The following NAT16 variants were observed in gnomAD, a reference collection of about 807,000 sequenced individuals.
NAT16 encodes N-acetyltransferase 16 (putative), also known as probable N-acetyltransferase 16.
A neutral mutation model predicts 15.9 loss-of-function variants in NAT16; 16 were observed. The ratio of observed to expected loss-of-function variants is 1.01; its 90% CI spans 0.68 to 1.53. The LOEUF (loss-of-function observed/expected upper bound fraction) is 1.53. NAT16 is among the 40% of genes most tolerant of loss of function. The pLI is 0.00. For missense variants in NAT16, 572 were observed against 508.4 expected (o/e 1.13, Z -1.20); for synonymous variants, 260 against 241.9 (o/e 1.07, Z -0.69).
At chr7:101,176,028 C>A (rs1797457571) in intron 1 of NAT16, among the ~76,000 whole-genome samples, 1 of 152,084 alleles carries the variant, frequency 6.6e-6, no homozygotes. Flanking sequence ...CCTCTGTCCA[C>A]AAGAAAGTTC....
chr7:101,178,806 G>A (rs1797524612), intron 1 of NAT16, among the ~76,000 whole-genome samples: 1 of 140,068 alleles, frequency 7.1e-6, no homozygotes, highest in South Asian at 2.3e-4. Context: ...CAGGAGAATC[G>A]CTTCAACCCG....
At position 101,170,957 on chromosome 7, in the gene NAT16, T is replaced by G. The variant is rs1311454583; in HGVS notation, c.*1122A>C. On this transcript the variant is annotated 3_prime_UTR_variant, in exon 4 of 4. Transcript: ENST00000300303. ...GGAACCAGTATTGGAGACAGCGCTGTGCAGATGCAGCTGTTACTACTTGCA... is the reference window on the plus strand; with the variant it reads ...GGAACCAGTATTGGAGACAGCGCTGGGCAGATGCAGCTGTTACTACTTGCA... 6.6e-6 allele frequency: 1 copy of G among 152,242 alleles called. No individual in the cohort carries two copies. Among genetic ancestry groups the G allele is most frequent in the Non-Finnish European group, 1.5e-5 (1 of 68,068 alleles). 9.4% of individuals were successfully genotyped at this position (152,242 alleles called of 1,614,324 possible). A position where few individuals can be genotyped will look rare whatever the true frequency, so the allele number is the denominator to read the frequency against.
rs952769691 is a variant in NAT16 at position 101,172,858 on chromosome 7, G to A, written c.538-207C>T. On this transcript the variant is annotated intron_variant, in intron 3 of 3. Transcript: ENST00000300303. The surrounding 1 kb of genome is among the most constrained non-coding windows in gnomAD (Gnocchi z 4.2). ...GTACCAGACAGGGACCAGGGGCACG[G>A]GCTCCCAGTACGTGGATCCCCAAGA... 1.3e-5 allele frequency among the ~76,000 whole-genome samples: 2 copies of A among 152,204 alleles called. No individual in the cohort carries two copies. The highest frequency in any genetic ancestry group is 4.1e-4 in the South Asian group (2 of 4,830).
chr7:101,172,917 T>C lies in NAT16; in HGVS notation c.538-266A>G, dbSNP rs1043945166. 5.9e-5 allele frequency among the ~76,000 whole-genome samples: 9 copies of C among 152,006 alleles called. No homozygotes were observed. The highest frequency in any genetic ancestry group is 2.2e-4 in the African/African-American group (9 of 41,402). On this transcript the variant is annotated intron_variant, in intron 3 of 3. Transcript: ENST00000300303. This position sits in a 1 kb window ranked among gnomAD's most constrained non-coding sequence, Gnocchi z 4.2. ...GATCAGTATGGAGTAGCCAGGGAAC[T>C]GAGGGTACGGGTCCCCGGGTCTCCA...
At position 101,172,416 on chromosome 7, in the gene NAT16, A is replaced by G. The variant is rs1037529011; in HGVS notation, c.773T>C (p.Leu258Pro). The change falls in exon 4 of 4, where the codon CTG becomes CCG. Residue 258 changes from leucine (L) to proline (P), a missense_variant. Leu to Pro is a moderately conservative substitution (Grantham distance 98). Coordinates refer to ENST00000300303, the MANE Select transcript of NAT16 (RefSeq NM_198571.3). The surrounding 1 kb of genome is among the most constrained non-coding windows in gnomAD (Gnocchi z 4.2). Reference protein sequence around the residue: ...PYRPSESNLRLLAAKGLEWRV... With the variant: ...PYRPSESNLRPLAAKGLEWRV... ...CCACTCCAGGCCCTTGGCCGCCAGC[A>G]GGCGCAGGTTGCTTTCGCTAGGCCG... 7.6e-6 allele frequency: 12 copies of G among 1,584,782 alleles called. No individual in the cohort carries two copies. The highest frequency in any genetic ancestry group is 1.0e-5 in the Non-Finnish European group (12 of 1,168,426).
At chr7:101,174,867 G>T (rs773473684) in intron 1 of NAT16, 56 bp from the exon 2 acceptor site, 1 of 1,499,296 alleles carries the variant, frequency 6.7e-7, no homozygotes, top group Non-Finnish European at 8.8e-7. Context: ...TCCACATCTG[G>T]GCCCCTGCAC....
chr7:101,173,408 A>G lies in NAT16; in HGVS notation c.425T>C (p.Phe142Ser), dbSNP rs557780669. Reference protein sequence around the residue: ...GKGVAGLLQRFCSQLVKRQHP... With the variant: ...GKGVAGLLQRSCSQLVKRQHP... The stretch of plus-strand genomic sequence containing the variant: ...CTGTCTCTTGACCAGCTGCGAGCAG[A>G]AGCGCTGCAGCAGCCCGGCCACGCC... The change falls in exon 3 of 4, where the codon TTC (phenylalanine) becomes TCC (serine). Residue 142 changes from phenylalanine (F) to serine (S), a missense_variant. Physicochemically the swap from Phe to Ser is radical, Grantham distance 155. Coordinates refer to ENST00000300303, the MANE Select transcript of NAT16 (RefSeq NM_198571.3). 7.4e-6 allele frequency: 12 copies of G among 1,613,674 alleles called. No individual in the cohort carries two copies. The South Asian group carries it at 1.1e-4, about 15-fold the overall frequency.
At position 101,174,741 on chromosome 7, in the gene NAT16, G is replaced by C. The variant is rs1797429169; in HGVS notation, c.67C>G (p.Arg23Gly). The C allele has an allele frequency of 2.5e-6, 4 of 1,607,866 alleles. No homozygotes were observed. Among genetic ancestry groups the C allele is most frequent in the Middle Eastern group, 1.7e-4 (1 of 6,050 alleles). Residue 23 changes from arginine (R) to glycine (G), a missense_variant, in exon 2 of 4, where the codon CGA becomes GGA. Arg to Gly is a moderately radical substitution (Grantham distance 125). Transcript: ENST00000300303. ...GTTTCAGAGCTTGGCTCTGCATCTC[G>C]GGCAGTCTTCTTTTCCGGCTTAGGG... ...EVPKPEKKTARDAEPSSETRP... is the reference protein window; with the variant it reads ...EVPKPEKKTAGDAEPSSETRP...
chr7:101,176,195 C>A (rs1797461676), intron 1 of NAT16, among the ~76,000 whole-genome samples: 1 of 152,132 alleles, frequency 6.6e-6, no homozygotes. Context: ...CATACACATT[C>A]AAATATAAAC....
intron 1 of NAT16, among the ~76,000 whole-genome samples, chr7:101,176,262 A>G (rs977588044): frequency 6.6e-6 from 1 of 152,224 alleles, no homozygotes; most frequent in Non-Finnish European, 1.5e-5. Context: ...GGCTCAGCCG[A>G]GGCGGGTAGA....
Position 101,173,459 on chromosome 7 carries a change from C to T in NAT16, c.374G>A (p.Arg125His), listed in dbSNP as rs777346007. 34 of 1,611,684 alleles carry T rather than the reference C, an allele frequency of 2.1e-5. No homozygotes were observed. The highest frequency in any genetic ancestry group is 2.8e-5 in the Non-Finnish European group (33 of 1,178,964). Residue 125 changes from arginine (R) to histidine (H), a missense_variant, in exon 3 of 4, where the codon CGC becomes CAC. Transcript: ENST00000300303. ...CTTCCCGCGCTCCCAGGGCGCCACGCGCAGCCCCTCCACCAGCACCGTCTC... is the reference window on the plus strand; with the variant it reads ...CTTCCCGCGCTCCCAGGGCGCCACGTGCAGCCCCTCCACCAGCACCGTCTC... ...AGETVLVEGL[R>H]VAPWERGKGV...
Position 101,174,654 on chromosome 7 carries a change from G to A in NAT16, c.154C>T (p.Pro52Ser), listed in dbSNP as rs766619515. Residue 52 changes from proline (P) to serine (S), a missense_variant, in exon 2 of 4, where the codon CCA becomes TCA. Transcript: ENST00000300303. Reference protein sequence around the residue: ...SGSGPEAEAEPLDFVVATERE... With the variant: ...SGSGPEAEAESLDFVVATERE... ...TCCGTGGCCACCACGAAGTCCAATGGCTCGGCCTCAGCCTCAGGCCCCGAT... is the reference window on the plus strand; with the variant it reads ...TCCGTGGCCACCACGAAGTCCAATGACTCGGCCTCAGCCTCAGGCCCCGAT... The A allele has an allele frequency of 1.9e-6, 3 of 1,613,692 alleles. No homozygotes were observed. The highest frequency in any genetic ancestry group is 3.3e-5 in the Admixed American group (2 of 59,978).
intron 1 of NAT16, among the ~76,000 whole-genome samples, chr7:101,175,474 C>G (rs933226705): frequency 6.6e-6 from 1 of 151,938 alleles, no homozygotes. Context: ...CTCCCTCTTC[C>G]CACCAGCTTT....
intron 1 of NAT16, among the ~76,000 whole-genome samples, chr7:101,175,143 C>G (rs548778422): frequency 1.3e-5 from 2 of 152,058 alleles, no homozygotes; most frequent in South Asian, 4.2e-4. Context: ...TTAGTAGAGA[C>G]GGAGCTTCAC....
chr7:101,178,723 A>AAG (rs1395561219), intron 1 of NAT16, among the ~76,000 whole-genome samples: 23 of 148,170 alleles, frequency 1.6e-4, no homozygotes, highest in African/African-American at 5.8e-4. Flanking sequence ...AAAAAAAAAA[A>AAG]AAAAAAAAAA....
chr7:101,174,186 A>G (rs1797410253), intron 2 of NAT16: 3 of 437,564 alleles, frequency 6.9e-6, no homozygotes, highest in Non-Finnish European at 1.2e-5. Flanking sequence ...TCCCACCCCT[A>G]GCCTACCCTC....
chr7:101,172,707 C>T lies in NAT16; in HGVS notation c.538-56G>A, dbSNP rs535596345. On this transcript the variant is annotated intron_variant, in intron 3 of 3. Transcript: ENST00000300303. The surrounding 1 kb of genome is among the most constrained non-coding windows in gnomAD (Gnocchi z 4.2). ...GGGGGCGCAGCAGGGCTGGCGAGCC[C>T]GGCGCCTCTCGGCAGGCATCTTCAC... The T allele has an allele frequency of 2.3e-6, 3 of 1,331,018 alleles. No homozygotes were observed. The highest frequency in any genetic ancestry group is 3.1e-5 in the South Asian group (2 of 63,998). The allele number at this position is 1,331,018 out of a possible 1,614,324, so 82.5% of individuals were successfully genotyped here.
chr7:101,171,760 T>C lies in NAT16; in HGVS notation c.*319A>G. The C allele has an allele frequency of 3.4e-6, 1 of 295,968 alleles. No individual in the cohort carries two copies. The highest frequency in any genetic ancestry group is 6.3e-6 in the Non-Finnish European group (1 of 158,804). 18.3% of individuals were successfully genotyped at this position (295,968 alleles called of 1,614,324 possible). A position where few individuals can be genotyped will look rare whatever the true frequency, so the allele number is the denominator to read the frequency against. On this transcript the variant is annotated 3_prime_UTR_variant, in exon 4 of 4. Transcript: ENST00000300303. The stretch of plus-strand genomic sequence containing the variant: ...AGGTGATGGAGAGGGAAGGAAGGAC[T>C]CTGAAGCCTGTGCGGGGACCAGTTC...
rs1224628943 is a variant in NAT16 at position 101,172,365 on chromosome 7, C to T, written c.824G>A (p.Arg275His). 6.4e-7 allele frequency: 1 copy of T among 1,573,492 alleles called. No homozygotes were observed. The highest frequency in any genetic ancestry group is 8.6e-7 in the Non-Finnish European group (1 of 1,162,794). Residue 275 changes from arginine to histidine, a missense_variant, in exon 4 of 4, where the codon CGC becomes CAC. By Grantham distance (29) the Arg-to-His change is conservative. Coordinates refer to ENST00000300303, the MANE Select transcript of NAT16 (RefSeq NM_198571.3). The surrounding 1 kb of genome is among the most constrained non-coding windows in gnomAD (Gnocchi z 4.2). ...GGGGCGCGTGCACAGCGTGAGCACG[C>T]GCGGGCGCGCGCGGCTGTCCACGCG... ...EWRVDSRARP[R>H]VLTLCTRPFP...
Sources: allele counts gnomAD v4.1 joint callset (sites outside exome capture counted in the v4.1 genomes callset), GRCh38; gene constraint gnomAD v4.1.1; non-coding constraint Gnocchi (gnomAD v3.1); transcripts MANE v1.5; gene names NCBI Gene and HGNC (gene_info 2026-07-23, HGNC 2026-07-21).